The following CCDC148 variants were observed in gnomAD, a reference collection of about 807,000 sequenced individuals.
CCDC148 encodes coiled-coil domain containing 148.
A neutral mutation model predicts 85.7 loss-of-function variants in CCDC148; 89 were observed. The observed-to-expected ratio is 1.04, with a 90% CI of 0.87 to 1.24. The LOEUF is 1.24. CCDC148 is among the 50% of genes most tolerant of loss of function. The pLI is 0.00. For synonymous variants in CCDC148, 230 were observed against 213.9 expected, an observed-to-expected ratio of 1.08 and a Z score of -0.66; for missense variants, 692 against 671.7, an observed-to-expected ratio of 1.03 and a Z score of -0.33.
At chr2:158,442,244 T>G (rs900701984) in intron 1 of CCDC148, among the ~76,000 whole-genome samples, 4 of 152,208 alleles carry the variant, frequency 2.6e-5, no homozygotes, top group African/African-American at 9.7e-5. Flanking sequence ...AAGAACAGAT[T>G]GCTTCCCTCA....
chr2:158,336,576 A>T (rs1351055810), intron 7 of CCDC148, among the ~76,000 whole-genome samples: 1 of 152,194 alleles, frequency 6.6e-6, no homozygotes, highest in East Asian at 1.9e-4. Context: ...GTTTTATTCA[A>T]TAAATATTCA....
intron 7 of CCDC148, among the ~76,000 whole-genome samples, chr2:158,319,303 T>C (rs1692421001): frequency 6.6e-6 from 1 of 152,170 alleles, no homozygotes; most frequent in East Asian, 1.9e-4. Context: ...TGAATCTGGA[T>C]TGATTTTCAG....
At chr2:158,421,687 G>A (rs1279063318) in intron 1 of CCDC148, among the ~76,000 whole-genome samples, 4 of 152,188 alleles carry the variant, frequency 2.6e-5, no homozygotes, top group African/African-American at 9.6e-5. Context: ...AACTCAAGAA[G>A]CAAGAGCAAA....
In CCDC148 at chr2:158,327,830, T is replaced by C. The variant is rs1419950156; in HGVS notation, c.764+10896A>G. Among the ~76,000 whole-genome samples the C allele has an allele frequency of 2.6e-5, 4 of 152,162 alleles. No individual in the cohort carries two copies. In the East Asian group the frequency reaches 7.7e-4, roughly 29 times the overall value. ...TGTCCTTCAGCAACATTTGAAATTT[T>C]TTTCCTATAGTACAGATCTTTTACA... On this transcript the variant is annotated intron_variant, in intron 7 of 13. Transcript: ENST00000283233.
rs371001949 is a variant in CCDC148 at position 158,373,076 on chromosome 2, G to A, written c.26-14506C>T. Among the ~76,000 whole-genome samples, 146 of 152,142 alleles carry A rather than the reference G, an allele frequency of 9.6e-4. 1 individual carries two copies. The highest frequency in any genetic ancestry group is 3.4e-3 in the African/African-American group (143 of 41,538). Reference sequence around the variant, plus strand: ...AAAGAGTAGCCTGGCTTATCCAGGTGGGCCTAATGTAATCAGAAGGGCCTC... The same window carrying A: ...AAAGAGTAGCCTGGCTTATCCAGGTAGGCCTAATGTAATCAGAAGGGCCTC... On this transcript the variant is annotated intron_variant, in intron 1 of 13. Coordinates refer to ENST00000283233, the MANE Select transcript of CCDC148 (RefSeq NM_138803.4).
At chr2:158,271,410 A>C (rs1427302174) in intron 9 of CCDC148, among the ~76,000 whole-genome samples, 2 of 152,300 alleles carry the variant, frequency 1.3e-5, no homozygotes, top group South Asian at 2.1e-4. Context: ...TGCTGTTCTG[A>C]GTAGTGCGAT....
At chr2:158,403,687 A>AACACAC (rs146802561) in intron 1 of CCDC148, among the ~76,000 whole-genome samples, 2 of 138,824 alleles carry the variant, frequency 1.4e-5, no homozygotes, top group African/African-American at 5.0e-5. Context: ...TCCTGTCTCA[A>AACACAC]ACACACACAC....
At chr2:158,442,564 A>G (rs368188640) in intron 1 of CCDC148, among the ~76,000 whole-genome samples, 84 of 152,334 alleles carry the variant, frequency 5.5e-4, no homozygotes, top group African/African-American at 1.9e-3. Flanking sequence ...TCCTCTTCTC[A>G]TCAGGCTTTT....
intron 2 of CCDC148, among the ~76,000 whole-genome samples, chr2:158,358,097 G>C (rs1377100833): frequency 2.0e-5 from 3 of 152,144 alleles, no homozygotes; most frequent in Non-Finnish European, 4.4e-5. Flanking sequence ...TGGAGAAGGA[G>C]CCTTAATCAG....
At chr2:158,452,339 A>C (rs1418401923) in intron 1 of CCDC148, among the ~76,000 whole-genome samples, 1 of 152,196 alleles carries the variant, frequency 6.6e-6, no homozygotes, top group South Asian at 2.1e-4. Flanking sequence ...AAGGTGTGTT[A>C]TATGCATAAG....
At chr2:158,190,744 C>T (rs1197545175) in intron 11 of CCDC148, among the ~76,000 whole-genome samples, 1 of 151,942 alleles carries the variant, frequency 6.6e-6, no homozygotes, top group Non-Finnish European at 1.5e-5. Context: ...ACATTGGAAC[C>T]TTTCTTTAAA....
intron 9 of CCDC148, among the ~76,000 whole-genome samples, chr2:158,305,476 A>G (rs1344892142): frequency 1.3e-5 from 2 of 152,196 alleles, no homozygotes; most frequent in Non-Finnish European, 2.9e-5. Flanking sequence ...AGCCAGGCAC[A>G]GTGGCTCACC....
At chr2:158,315,099 T>C (rs527745256) in intron 7 of CCDC148, among the ~76,000 whole-genome samples, 29 of 152,338 alleles carry the variant, frequency 1.9e-4, no homozygotes, top group Non-Finnish European at 2.9e-5. Flanking sequence ...TACTCTAAAG[T>C]TCTTCAGTAT....
intron 1 of CCDC148, among the ~76,000 whole-genome samples, chr2:158,448,852 G>A (rs1461585464): frequency 6.6e-6 from 1 of 152,022 alleles, no homozygotes; most frequent in Non-Finnish European, 1.5e-5. Flanking sequence ...TTCTGAGACG[G>A]AGTCTTGCTC....
intron 1 of CCDC148, among the ~76,000 whole-genome samples, chr2:158,371,632 G>T (rs1203818202): frequency 6.6e-6 from 1 of 151,326 alleles, no homozygotes; most frequent in Non-Finnish European, 1.5e-5. Context: ...AATGTAACTT[G>T]GCCATCTTTC....
At chr2:158,298,297 G>A (rs1691288408) in intron 9 of CCDC148, among the ~76,000 whole-genome samples, 1 of 152,122 alleles carries the variant, frequency 6.6e-6, no homozygotes, top group South Asian at 2.1e-4. Flanking sequence ...ATTGTTTTCA[G>A]GAGTTTGACT....
At chr2:158,337,863 C>T (rs1682465564) in intron 7 of CCDC148, among the ~76,000 whole-genome samples, 1 of 152,174 alleles carries the variant, frequency 6.6e-6, no homozygotes, top group Admixed American at 6.6e-5. Flanking sequence ...TACAGAGGAG[C>T]TGCAGTTCAC....
intron 1 of CCDC148, among the ~76,000 whole-genome samples, chr2:158,390,177 T>C (rs1177570404): frequency 6.6e-6 from 1 of 152,170 alleles, no homozygotes; most frequent in Non-Finnish European, 1.5e-5. Context: ...TTAAAACAGC[T>C]ATGGTTTATA....
chr2:158,327,331 T>C (rs957462170), intron 7 of CCDC148, among the ~76,000 whole-genome samples: 4 of 152,174 alleles, frequency 2.6e-5, no homozygotes, highest in Non-Finnish European at 5.9e-5. Context: ...TTGCAGATGA[T>C]AAAAACTATT....
Sources: allele counts gnomAD v4.1 joint callset (sites outside exome capture counted in the v4.1 genomes callset), GRCh38; gene constraint gnomAD v4.1.1; transcripts MANE v1.5; gene names NCBI Gene and HGNC (gene_info 2026-07-23, HGNC 2026-07-21).